KIF26B: variants seen among roughly 807,000 people sequenced by gnomAD.
KIF26B encodes kinesin-like protein KIF26B.
A neutral mutation model predicts 151.2 loss-of-function variants in KIF26B; 63 were observed. The ratio of observed to expected loss-of-function variants is 0.42; its 90% CI spans 0.34 to 0.51. The LOEUF (loss-of-function observed/expected upper bound fraction) is 0.51, where lower values mean the gene tolerates loss of function less well. Ranked by LOEUF, KIF26B falls within the 20% of genes least tolerant of loss-of-function variation. KIF26B has a pLI of 0.07. For synonymous variants in KIF26B, 1,357 were observed against 1,262.1 expected (o/e 1.08, Z -1.59); for missense variants, 2,813 against 2,913.6 (o/e 0.97, Z 0.79).
At position 245,688,700 on chromosome 1, in the gene KIF26B, A is replaced by G; in HGVS notation, c.5717A>G (p.Glu1906Gly). 6.2e-7 allele frequency: 1 copy of G among 1,607,324 alleles called. No individual in the cohort carries two copies. The highest frequency in any genetic ancestry group is 8.5e-7 in the Non-Finnish European group (1 of 1,177,820). The change falls in exon 12 of 15, where the codon GAG (glutamate) becomes GGG (glycine). Residue 1906 changes from glutamate to glycine, a missense_variant. Glu to Gly is a moderately conservative substitution (Grantham distance 98). Around this residue, in one of 3 missense-constraint regions of KIF26B, gnomAD observed 2,060 missense variants for 2,088.6 expected, o/e 0.99. Transcript: ENST00000407071. The part of the protein sequence containing the change: ...SGYESVMRDS[E>G]ATGSASSAQD... ...TACGAGAGCGTGATGCGGGACAGCG[A>G]GGCCACCGGCAGCGCGTCCTCGGCG...
In KIF26B at chr1:245,233,647, TA is replaced by T. The variant is rs912671004; in HGVS notation, c.465+76973del. On this transcript the variant is annotated intron_variant, in intron 2 of 14. Transcript: ENST00000407071. ...ACTTTTCTTTCTCCCTACACACACT[TA>T]AAAAAAAATCTCTTAACTAACCACA... Among the ~76,000 whole-genome samples, 37 of 151,682 alleles carry T rather than the reference TA, an allele frequency of 2.4e-4. No homozygotes were observed. The South Asian group carries it at 4.0e-3, about 16-fold the overall frequency.
chr1:245,709,043 A>G lies in KIF26B; in HGVS notation c.*6437A>G, dbSNP rs2044875191. ...CCATTCAAAACATTATTAGTTCACA[A>G]GTGTTTGCTGTTAAAATGCTTCAAT... On this transcript the variant is annotated 3_prime_UTR_variant, in exon 15 of 15. Coordinates refer to ENST00000407071, the MANE Select transcript of KIF26B (RefSeq NM_018012.4). The G allele has an allele frequency of 6.6e-6, 1 of 152,242 alleles. No homozygotes were observed. Among genetic ancestry groups the G allele is most frequent in the Non-Finnish European group, 1.5e-5 (1 of 68,046 alleles). 9.4% of individuals were successfully genotyped at this position (152,242 alleles called of 1,614,324 possible).
intron 2 of KIF26B, among the ~76,000 whole-genome samples, chr1:245,306,600 A>G (rs1671543264): frequency 6.6e-6 from 1 of 152,214 alleles, no homozygotes; most frequent in Non-Finnish European, 1.5e-5. Context: ...GATACAGTCT[A>G]AACTCTGCAG....
chr1:245,343,209 T>G (rs1398498546), intron 2 of KIF26B, among the ~76,000 whole-genome samples: 1 of 152,168 alleles, frequency 6.6e-6, no homozygotes, highest in African/African-American at 2.4e-5. Context: ...ATGACTTCCT[T>G]TGGTCTGTGG....
At chr1:245,676,659 A>T (rs932884379) in intron 10 of KIF26B, among the ~76,000 whole-genome samples, 2 of 152,212 alleles carry the variant, frequency 1.3e-5, no homozygotes, top group Non-Finnish European at 1.5e-5. Context: ...AATTTCATCC[A>T]GACTTCATCC....
In KIF26B at chr1:245,686,282, C is replaced by G; in HGVS notation, c.3299C>G (p.Ser1100Cys). Reference sequence around the variant, plus strand: ...TACACCCAGAAGGGGGTCCTGCCGTCTCCCGCCCCACTGCCTCCCTCGAGC... The same window carrying G: ...TACACCCAGAAGGGGGTCCTGCCGTGTCCCGCCCCACTGCCTCCCTCGAGC... ...KVYTQKGVLP[S>C]PAPLPPSSKD... The change falls in exon 12 of 15, where the codon TCT (serine) becomes TGT (cysteine). Residue 1100 changes from serine (S) to cysteine (C), a missense_variant. Coordinates refer to ENST00000407071, the MANE Select transcript of KIF26B (RefSeq NM_018012.4). The surrounding 1 kb of genome is among the most constrained non-coding windows in gnomAD (Gnocchi z 5.6). 4 of 1,613,018 alleles carry G rather than the reference C, an allele frequency of 2.5e-6. No homozygotes were observed. The highest frequency in any genetic ancestry group is 3.4e-6 in the Non-Finnish European group (4 of 1,179,886).
At chr1:245,561,938 A>G (rs1362800519) in intron 5 of KIF26B, among the ~76,000 whole-genome samples, 1 of 152,110 alleles carries the variant, frequency 6.6e-6, no homozygotes. Context: ...GGCTCTTTAC[A>G]GCTTTCTGTG....
At chr1:245,447,531 T>C (rs554848452) in intron 4 of KIF26B, among the ~76,000 whole-genome samples, 1 of 152,154 alleles carries the variant, frequency 6.6e-6, no homozygotes, top group South Asian at 2.1e-4. Context: ...ATTAGTGCCC[T>C]TATCAAAGAG....
Position 245,684,314 on chromosome 1 carries a change from C to T in KIF26B, c.2340C>T (p.Ala780=), listed in dbSNP as rs532973058. ...CCACCATGATCGCGCACATCTCGGC[C>T]GCGGTCGGGAGCTACGCGGAGACCC... ...CRTTMIAHIS[A]AVGSYAETLS... Residue 780 remains alanine (A), a synonymous_variant, in exon 11 of 15, where the codon GCC becomes GCT. Transcript: ENST00000407071. The T allele has an allele frequency of 9.4e-5, 152 of 1,613,910 alleles. 2 individuals are homozygous for T. Among genetic ancestry groups the T allele is most frequent in the South Asian group, 7.7e-4 (70 of 91,074 alleles).
At chr1:245,417,989 A>C (rs1674461511) in intron 3 of KIF26B, among the ~76,000 whole-genome samples, 1 of 152,222 alleles carries the variant, frequency 6.6e-6, no homozygotes, top group Admixed American at 6.5e-5. Context: ...GGGGAAAAAA[A>C]AAGTTGTCGC....
chr1:245,654,197 C>T (rs4658792), intron 10 of KIF26B, among the ~76,000 whole-genome samples: 56,800 of 151,350 alleles, frequency 0.38, 13,199 homozygotes, highest in East Asian at 0.72. Context: ...ATACCCATGG[C>T]AATGAAGAAT....
intron 2 of KIF26B, among the ~76,000 whole-genome samples, chr1:245,250,842 G>A (rs753744988): frequency 6.6e-6 from 1 of 152,086 alleles, no homozygotes; most frequent in Non-Finnish European, 1.5e-5. Context: ...TTATCGTATT[G>A]GGGGTTCCCA....
chr1:245,477,538 T>C (rs1046672233), intron 4 of KIF26B, among the ~76,000 whole-genome samples: 2 of 151,550 alleles, frequency 1.3e-5, no homozygotes, highest in African/African-American at 4.8e-5. Flanking sequence ...GGTACGGAAG[T>C]GGAATGGTGC....
At chr1:245,181,902 T>C (rs1357634967) in intron 2 of KIF26B, among the ~76,000 whole-genome samples, 1 of 152,078 alleles carries the variant, frequency 6.6e-6, no homozygotes, top group Non-Finnish European at 1.5e-5. Context: ...ACCAGATAGT[T>C]TGGGTGCAGG....
intron 2 of KIF26B, among the ~76,000 whole-genome samples, chr1:245,341,848 C>T (rs866323865): frequency 9.9e-5 from 15 of 152,210 alleles, no homozygotes; most frequent in South Asian, 2.1e-4. Flanking sequence ...AGGTGCACAG[C>T]TGTGCAGTGT....
At chr1:245,251,229 T>G (rs1194904744) in intron 2 of KIF26B, among the ~76,000 whole-genome samples, 1 of 152,192 alleles carries the variant, frequency 6.6e-6, no homozygotes, top group Non-Finnish European at 1.5e-5. Context: ...CCACACTATT[T>G]GTACAAATAT....
intron 4 of KIF26B, among the ~76,000 whole-genome samples, chr1:245,435,432 T>C (rs1311524279): frequency 6.6e-6 from 1 of 152,112 alleles, no homozygotes; most frequent in Admixed American, 6.6e-5. Context: ...CAGCACCTAT[T>C]ATTATCAGAA....
At chr1:245,562,199 G>A (rs1048750862) in intron 5 of KIF26B, among the ~76,000 whole-genome samples, 5 of 152,128 alleles carry the variant, frequency 3.3e-5, no homozygotes, top group African/African-American at 1.2e-4. Flanking sequence ...GAGGGACCTG[G>A]GGAGGGTAGG....
At chr1:245,237,255 A>G (rs1485408573) in intron 2 of KIF26B, among the ~76,000 whole-genome samples, 1 of 152,208 alleles carries the variant, frequency 6.6e-6, no homozygotes, top group African/African-American at 2.4e-5. Context: ...ACGCAACTCT[A>G]AAGTCCATCC....
Sources: allele counts gnomAD v4.1 joint callset (sites outside exome capture counted in the v4.1 genomes callset), GRCh38; gene constraint gnomAD v4.1.1; regional missense constraint gnomAD v4.1.1; non-coding constraint Gnocchi (gnomAD v3.1); transcripts MANE v1.5; gene names NCBI Gene and HGNC (gene_info 2026-07-23, HGNC 2026-07-21).